Variants in TXNRD3 observed in about 807,000 individuals in gnomAD.
TXNRD3 encodes the protein TXNRD3 neighbor gene protein.
A neutral mutation model predicts 78.2 loss-of-function variants in TXNRD3; 68 were observed. The observed-to-expected ratio is 0.87, with a 90% CI of 0.72 to 1.06. TXNRD3 has a LOEUF of 1.06. Among genes scored for constraint, TXNRD3 ranks in the 50% least tolerant of loss-of-function variants. TXNRD3 has a pLI of 0.00. For synonymous variants in TXNRD3, 296 were observed against 300.1 expected (o/e 0.99, Z 0.14); for missense variants, 751 against 809.5 (o/e 0.93, Z 0.88).
chr3:126,631,896 T>C lies in TXNRD3; in HGVS notation c.856-17A>G. 6.7e-7 allele frequency: 1 copy of C among 1,497,258 alleles called. No individual in the cohort carries two copies. The highest frequency in any genetic ancestry group is 1.4e-5 in the African/African-American group (1 of 72,326). The allele number at this position is 1,497,258 out of a possible 1,614,324, so 92.7% of individuals were successfully genotyped here. ...ATTGGTTGCCTTGAAAAAAGAGAAG[T>C]AAACCTCACTTAGCAAACACTACAG... On this transcript the variant is annotated splice_polypyrimidine_tract_variant and intron_variant, in intron 7 of 15. Coordinates refer to ENST00000524230, the MANE Select transcript of TXNRD3 (RefSeq NM_052883.3).
intron 4 of TXNRD3, 38 bp from the exon 5 acceptor site, chr3:126,644,091 C>G: frequency 6.5e-7 from 1 of 1,528,424 alleles, no homozygotes; most frequent in Non-Finnish European, 8.8e-7. Flanking sequence ...GTATAAAGAT[C>G]TTGTCACTTT....
chr3:126,621,839 A>G lies in TXNRD3; in HGVS notation c.1427T>C (p.Val476Ala). The G allele has an allele frequency of 6.5e-7, 1 of 1,535,440 alleles. No individual in the cohort carries two copies. The highest frequency in any genetic ancestry group is 1.2e-5 in the South Asian group (1 of 83,812). ...TGGCTTATCCTCCAAAATATCACCA[A>G]CAGCATAGACATATGGCACATTGGT... The change falls in exon 12 of 16, where the codon GTT becomes GCT. Residue 476 changes from valine to alanine, a missense_variant. Coordinates refer to ENST00000524230, the MANE Select transcript of TXNRD3 (RefSeq NM_052883.3).
chr3:126,625,991 T>C (rs1361605113), intron 10 of TXNRD3: 1 of 152,714 alleles, frequency 6.5e-6, no homozygotes, highest in Non-Finnish European at 1.5e-5. Context: ...CGAGATGATC[T>C]GCCAGCATCA....
intron 1 of TXNRD3, among the ~76,000 whole-genome samples, chr3:126,652,947 C>T (rs1933424149): frequency 6.6e-6 from 1 of 152,222 alleles, no homozygotes; most frequent in African/African-American, 2.4e-5. Context: ...TTGAACTGCC[C>T]AGTGGCACGA....
chr3:126,654,071 G>C (rs193061807), intron 1 of TXNRD3, among the ~76,000 whole-genome samples: 8 of 151,368 alleles, frequency 5.3e-5, no homozygotes, highest in Non-Finnish European at 1.2e-4. Context: ...CCCTGAGGGA[G>C]GGAGGAGACA....
At chr3:126,615,061 A>T (rs1938285497) in intron 13 of TXNRD3, among the ~76,000 whole-genome samples, 1 of 152,150 alleles carries the variant, frequency 6.6e-6, no homozygotes, top group East Asian at 1.9e-4. Flanking sequence ...GTCCCAAAAG[A>T]TCTTAAAATA....
intron 1 of TXNRD3, among the ~76,000 whole-genome samples, chr3:126,650,363 C>G (rs997327637): frequency 3.3e-5 from 5 of 151,644 alleles, no homozygotes; most frequent in African/African-American, 1.2e-4. Context: ...ACCTCCTTGG[C>G]CAGGCACGGT....
intron 6 of TXNRD3, among the ~76,000 whole-genome samples, chr3:126,635,481 T>C (rs957618355): frequency 6.6e-6 from 1 of 152,222 alleles, no homozygotes; most frequent in Non-Finnish European, 1.5e-5. Context: ...TGTTTAGTCC[T>C]GCAACAGTAT....
At chr3:126,632,863 A>G (rs2107619784) in intron 7 of TXNRD3, among the ~76,000 whole-genome samples, 1 of 152,240 alleles carries the variant, frequency 6.6e-6, no homozygotes, top group South Asian at 2.1e-4. Context: ...GGTGAAACGG[A>G]GACTCTGGAG....
In TXNRD3 at chr3:126,629,442, T is replaced by A; in HGVS notation, c.1227A>T (p.Gly409=). The change falls in exon 10 of 16, where the codon GGA becomes GGT. Residue 409 remains glycine (G), a synonymous_variant. Coordinates refer to ENST00000524230, the MANE Select transcript of TXNRD3 (RefSeq NM_052883.3). ...TGGATTTAGCCAACACTTTCAGCTT[T>A]CCAGGTGAACCTTTCTCCAACTGTT... The A allele has an allele frequency of 6.5e-7, 1 of 1,535,580 alleles. No individual in the cohort carries two copies. The highest frequency in any genetic ancestry group is 1.2e-5 in the South Asian group (1 of 84,036).
intron 8 of TXNRD3, among the ~76,000 whole-genome samples, chr3:126,631,156 T>A (rs963736033): frequency 1.3e-5 from 2 of 151,844 alleles, no homozygotes; most frequent in Non-Finnish European, 2.9e-5. Flanking sequence ...CAAGATTTTT[T>A]AAAAAATAAA....
At chr3:126,636,955 T>C (rs1339299416) in intron 6 of TXNRD3, among the ~76,000 whole-genome samples, 4 of 151,910 alleles carry the variant, frequency 2.6e-5, no homozygotes, top group Non-Finnish European at 5.9e-5. Flanking sequence ...CATCAGCTAT[T>C]GTTAGTGTAT....
rs143600492 is a variant in TXNRD3 at position 126,639,553 on chromosome 3, G to C, written c.712+2479C>G. On this transcript the variant is annotated intron_variant, in intron 6 of 15. Transcript: ENST00000524230. ...AAGTACAGTGTCCAAGTAAGATGAA[G>C]GGTTTAGGGAAAAGAAAGATTTTTT... Among the ~76,000 whole-genome samples, 396 of 152,194 alleles carry C rather than the reference G, an allele frequency of 2.6e-3. 2 individuals carry two copies. Among genetic ancestry groups the C allele is most frequent in the African/African-American group, 9.2e-3 (383 of 41,524 alleles).
At chr3:126,627,176 T>A (rs151058430) in intron 10 of TXNRD3, among the ~76,000 whole-genome samples, 225 of 152,326 alleles carry the variant, frequency 1.5e-3, no homozygotes, top group Non-Finnish European at 2.9e-3. Flanking sequence ...AGGCTAGGTA[T>A]CTACCCACAG....
At chr3:126,642,744 C>T (rs1024385694) in intron 5 of TXNRD3, among the ~76,000 whole-genome samples, 1 of 152,182 alleles carries the variant, frequency 6.6e-6, no homozygotes, top group African/African-American at 2.4e-5. Context: ...AGTGTTCACA[C>T]ACCACAAGAA....
intron 5 of TXNRD3, among the ~76,000 whole-genome samples, chr3:126,643,626 C>A (rs1312831749): frequency 1.3e-5 from 2 of 151,972 alleles, no homozygotes; most frequent in East Asian, 3.9e-4. Context: ...ATTTTTTTTT[C>A]TTTTTGCAAA....
intron 13 of TXNRD3, among the ~76,000 whole-genome samples, chr3:126,613,100 A>T (rs1312752977): frequency 6.6e-6 from 1 of 152,184 alleles, no homozygotes; most frequent in Non-Finnish European, 1.5e-5. Context: ...ACAATTACAG[A>T]CATAATTTTT....
In TXNRD3 at chr3:126,654,841, C is replaced by G; in HGVS notation, c.150G>C (p.Glu50Asp). The change falls in exon 1 of 16, where the codon GAG (glutamate) becomes GAC (aspartate). Residue 50 changes from glutamate to aspartate, a missense_variant. Coordinates refer to ENST00000524230, the MANE Select transcript of TXNRD3 (RefSeq NM_052883.3). ...GGTGGCGGCGCAGCTCCTCGCGGGCCTCGGACGAGCGGCTGGGCCCGGGGG... is the reference window on the plus strand; with the variant it reads ...GGTGGCGGCGCAGCTCCTCGCGGGCGTCGGACGAGCGGCTGGGCCCGGGGG... 1.5e-6 allele frequency: 2 copies of G among 1,372,388 alleles called. No homozygotes were observed. Among genetic ancestry groups the G allele is most frequent in the Non-Finnish European group, 1.9e-6 (2 of 1,068,034 alleles). The allele number at this position is 1,372,388 out of a possible 1,614,324, so 85.0% of individuals were successfully genotyped here.
At chr3:126,645,993 G>T in intron 3 of TXNRD3, 118 bp downstream of exon 3, 1 of 721,560 alleles carries the variant, frequency 1.4e-6, no homozygotes, top group Non-Finnish European at 2.2e-6. Context: ...TATCCTATAT[G>T]CTTCATTTTA....
Sources: allele counts gnomAD v4.1 joint callset (sites outside exome capture counted in the v4.1 genomes callset), GRCh38; gene constraint gnomAD v4.1.1; transcripts MANE v1.5; gene names NCBI Gene and HGNC (gene_info 2026-07-23, HGNC 2026-07-21).